Variants in CA5A observed in about 807,000 individuals in gnomAD.
The protein encoded by CA5A is carbonic anhydrase 5A, mitochondrial.
A neutral mutation model predicts 37.1 loss-of-function variants in CA5A; 28 were observed. The ratio of observed to expected loss-of-function variants is 0.75; its 90% CI spans 0.56 to 1.03. The LOEUF is 1.03. CA5A is among the 50% of genes least tolerant of loss of function. The pLI, the probability that CA5A is intolerant of heterozygous loss-of-function variation, is 0.00. For synonymous variants in CA5A, 171 were observed against 158.4 expected, an observed-to-expected ratio of 1.08 and a Z score of -0.60; for missense variants, 444 against 399.9, an observed-to-expected ratio of 1.11 and a Z score of -0.94.
chr16:87,912,165 G>T (rs928278403), intron 2 of CA5A, among the ~76,000 whole-genome samples: 7 of 152,116 alleles, frequency 4.6e-5, no homozygotes, highest in Admixed American at 6.6e-5. Flanking sequence ...AGCTGGGCGT[G>T]GTGGCACGCG....
downstream of CA5A, chr16:87,887,756 A>G: frequency 5.7e-6 from 1 of 175,052 alleles, no homozygotes; most frequent in African/African-American, 2.4e-5. Context: ...GCAAGGAAAA[A>G]GATCCTGCCC....
chr16:87,914,425 G>T (rs1047844971), intron 2 of CA5A, among the ~76,000 whole-genome samples: 1 of 152,208 alleles, frequency 6.6e-6, no homozygotes, highest in Non-Finnish European at 1.5e-5. Context: ...TGCTAGCCAC[G>T]CGGCGGGTGC....
At chr16:87,917,974 C>G (rs1279829497) in intron 2 of CA5A, among the ~76,000 whole-genome samples, 1 of 152,230 alleles carries the variant, frequency 6.6e-6, no homozygotes, top group Non-Finnish European at 1.5e-5. Context: ...TTGAACCGCA[C>G]AGCCACAGTC....
intron 5 of CA5A, among the ~76,000 whole-genome samples, chr16:87,898,246 G>A (rs2055830337): frequency 6.6e-6 from 1 of 152,202 alleles, no homozygotes; most frequent in Non-Finnish European, 1.5e-5. Flanking sequence ...TTAACTGGAG[G>A]AAACCAGGAA....
chr16:87,933,099 G>C (rs139085805), intron 1 of CA5A, among the ~76,000 whole-genome samples: 2 of 152,218 alleles, frequency 1.3e-5, no homozygotes, highest in African/African-American at 4.8e-5. Context: ...GGTCAGCCCG[G>C]GGGGAGCCAA....
chr16:87,926,562 G>A (rs1446352750), intron 2 of CA5A, among the ~76,000 whole-genome samples, 186 bp downstream of exon 2: 3 of 152,346 alleles, frequency 2.0e-5, no homozygotes, highest in East Asian at 3.9e-4. Context: ...CCAGGCTCCT[G>A]TCCCCTCGAG....
intron 1 of CA5A, among the ~76,000 whole-genome samples, chr16:87,934,507 G>A (rs1359686197): frequency 6.6e-6 from 1 of 152,206 alleles, no homozygotes; most frequent in African/African-American, 2.4e-5. Context: ...GGTGGGGGTT[G>A]CGGTGAGCTG....
intron 5 of CA5A, among the ~76,000 whole-genome samples, chr16:87,895,798 G>A (rs896646152): frequency 4.6e-5 from 7 of 151,992 alleles, no homozygotes; most frequent in African/African-American, 7.3e-5. Flanking sequence ...CACTCAGCAC[G>A]GCGCTTTTGA....
chr16:87,892,907 T>A (rs2055744512), intron 5 of CA5A: 1 of 518,812 alleles, frequency 1.9e-6, no homozygotes, highest in Non-Finnish European at 3.4e-6. Flanking sequence ...CCACCCGCCT[T>A]GGCCTCCCAA....
At chr16:87,917,104 CAAA>C (rs762381468) in intron 2 of CA5A, among the ~76,000 whole-genome samples, 37 of 65,874 alleles carry the variant, frequency 5.6e-4, no homozygotes, top group African/African-American at 1.5e-3. Flanking sequence ...GAGTCTGTCT[CAAA>C]AAAAAAAAAA....
intron 2 of CA5A, among the ~76,000 whole-genome samples, chr16:87,914,102 C>A (rs1315336865): frequency 1.3e-5 from 2 of 152,262 alleles, no homozygotes; most frequent in African/African-American, 2.4e-5. Context: ...TCACCTGGCA[C>A]AGTCAGTGTT....
chr16:87,901,608 G>C (rs1457676671), intron 5 of CA5A, among the ~76,000 whole-genome samples: 2 of 118,438 alleles, frequency 1.7e-5, no homozygotes, highest in Admixed American at 1.6e-4. Context: ...TTTTTTTTGA[G>C]ATGGGATTTC....
intron 5 of CA5A, among the ~76,000 whole-genome samples, chr16:87,894,090 G>A (rs140490158): frequency 0.033 from 5,052 of 152,252 alleles, 148 homozygotes; most frequent in Non-Finnish European, 0.049. Flanking sequence ...AGAAGTGTGT[G>A]ATTGCTGAAT....
chr16:87,928,868 A>G (rs1471589280), intron 1 of CA5A, among the ~76,000 whole-genome samples: 1 of 143,588 alleles, frequency 7.0e-6, no homozygotes, highest in Admixed American at 7.4e-5. Flanking sequence ...TCCCAGGTTC[A>G]AGTGGTTCTA....
At chr16:87,915,525 AATTTT>A (rs1328390514) in intron 2 of CA5A, among the ~76,000 whole-genome samples, 64 of 107,126 alleles carry the variant, frequency 6.0e-4, no homozygotes, top group African/African-American at 2.1e-3. Context: ...CCTGTGTCAA[AATTTT>A]TTTTTTTTTT....
chr16:87,926,711 G>T (rs756119242), intron 2 of CA5A, 37 bp downstream of exon 2: 2 of 1,537,340 alleles, frequency 1.3e-6, no homozygotes, highest in Non-Finnish European at 1.8e-6. Flanking sequence ...AGAACAACGG[G>T]AGAGGACAAA....
chr16:87,907,146 G>A (rs182837456), intron 2 of CA5A, among the ~76,000 whole-genome samples: 4 of 151,920 alleles, frequency 2.6e-5, no homozygotes, highest in East Asian at 1.9e-4. Flanking sequence ...TGAACCTGGC[G>A]GGTGGAGGTT....
intron 2 of CA5A, among the ~76,000 whole-genome samples, chr16:87,910,557 G>A (rs1446959576): frequency 6.6e-6 from 1 of 152,102 alleles, no homozygotes; most frequent in Non-Finnish European, 1.5e-5. Context: ...TAAGGCTGCA[G>A]ACCTGGATAA....
chr16:87,887,957 C>A (rs183717027), downstream of CA5A: 637 of 957,384 alleles, frequency 6.7e-4, 1 homozygote, highest in Non-Finnish European at 8.6e-4. Context: ...ATGTTCCCCA[C>A]GGTACTTACA....
Sources: gnomAD v4.1 joint callset for allele counts (sites outside exome capture counted in the v4.1 genomes callset) on GRCh38, gnomAD v4.1.1 for gene constraint, MANE v1.5 for transcripts, NCBI Gene and HGNC (gene_info 2026-07-23, HGNC 2026-07-21) for gene names.